Variants in ZNF468 observed in about 807,000 individuals in gnomAD.
The protein encoded by ZNF468 is zinc finger protein 468, also known as zinc finger protein ZNF468.
ZNF468 carries 8 observed loss-of-function variants against 7.2 expected under a neutral mutation model. The ratio of observed to expected loss-of-function variants is 1.11; its 90% confidence interval spans 0.65 to 2.01. The LOEUF (loss-of-function observed/expected upper bound fraction) is 2.01, where lower values mean the gene tolerates loss of function less well. Among genes scored for constraint, ZNF468 ranks in the 30% most tolerant of loss-of-function variants. The pLI is 0.00. For synonymous variants in ZNF468, 218 were observed against 214.4 expected (o/e 1.02, Z -0.15); for missense variants, 608 against 626.5 (o/e 0.97, Z 0.31).
Position 52,854,351 on chromosome 19 carries a change from T to A in ZNF468, c.-73-6A>T. On this transcript the variant is annotated splice_polypyrimidine_tract_variant and splice_region_variant and intron_variant, in intron 1 of 3. Coordinates refer to ENST00000595646, the MANE Select transcript of ZNF468 (RefSeq NM_001008801.2). ...ACAGTCTTTAGAAGTCAATCCTGAATGTTAAAAATATGTTGTTTATCACTC... is the reference window on the plus strand; with the variant it reads ...ACAGTCTTTAGAAGTCAATCCTGAAAGTTAAAAATATGTTGTTTATCACTC... 3.1e-6 allele frequency: 5 copies of A among 1,606,946 alleles called. No homozygotes were observed. Among genetic ancestry groups the A allele is most frequent in the Non-Finnish European group, 3.4e-6 (4 of 1,174,508 alleles).
intron 2 of ZNF468, chr19:52,853,981 C>CTT (rs2063413607): frequency 6.8e-7 from 1 of 1,468,106 alleles, no homozygotes; most frequent in Non-Finnish European, 9.0e-7. Context: ...ATCCCTGCTG[C>CTT]CCAAGAGCAC....
chr19:52,857,311 A>G (rs186762096), intron 1 of ZNF468, among the ~76,000 whole-genome samples: 86 of 152,320 alleles, frequency 5.6e-4, no homozygotes, highest in Non-Finnish European at 1.1e-3. Flanking sequence ...GGAGTCAAAA[A>G]ACGGTTTTGA....
chr19:52,842,835 A>AAG (rs1346514074), intron 3 of ZNF468, among the ~76,000 whole-genome samples: 2 of 149,932 alleles, frequency 1.3e-5, no homozygotes, highest in African/African-American at 4.9e-5. Flanking sequence ...AAAAAAAAAA[A>AAG]AAAAAAGACA....
chr19:52,856,121 T>C (rs544835881), intron 1 of ZNF468, among the ~76,000 whole-genome samples: 4 of 152,364 alleles, frequency 2.6e-5, no homozygotes, highest in Admixed American at 2.0e-4. Context: ...AAAATCACAC[T>C]AACATTTATA....
rs1294394231 is a variant in ZNF468, at chr19:52,841,994, C to A, written c.300G>T (p.Gln100His). ...IEKDIHGFEF[Q>H]WKEDETNGHA... ...GGCCATTTGTTTCATCTTCTTTCCA[C>A]TGAAACTCGAAGCCATGAATGTCTT... is the stretch of plus-strand genomic sequence containing the variant. Residue 100 changes from glutamine to histidine, a missense_variant, in exon 4 of 4, where the codon CAG becomes CAT. Transcript: ENST00000595646. 24 of 1,613,824 alleles carry A rather than the reference C, an allele frequency of 1.5e-5. No individual in the cohort carries two copies. The highest frequency in any genetic ancestry group is 1.9e-5 in the Non-Finnish European group (23 of 1,179,918).
chr19:52,840,392 G>C lies in ZNF468; in HGVS notation c.*333C>G. On this transcript the variant is annotated 3_prime_UTR_variant, in exon 4 of 4. Transcript: ENST00000595646. ...TTGCCACACTCATTACACTTATAATGAGTTTCTCTCCAGTGTGAATTCTAG... is the reference window on the plus strand; with the variant it reads ...TTGCCACACTCATTACACTTATAATCAGTTTCTCTCCAGTGTGAATTCTAG... The C allele has an allele frequency of 1.9e-6, 1 of 516,592 alleles. No homozygotes were observed. Among genetic ancestry groups the C allele is most frequent in the Non-Finnish European group, 3.6e-6 (1 of 277,728 alleles). The allele number at this position is 516,592 out of a possible 1,614,324, so 32.0% of individuals were successfully genotyped here.
At chr19:52,856,134 A>G (rs2063436267) in intron 1 of ZNF468, among the ~76,000 whole-genome samples, 1 of 152,272 alleles carries the variant, frequency 6.6e-6, no homozygotes, top group African/African-American at 2.4e-5. Context: ...CATTTATAAA[A>G]TGCAGCAGTG....
chr19:52,846,949 C>T (rs2063345763), intron 3 of ZNF468, among the ~76,000 whole-genome samples: 1 of 151,884 alleles, frequency 6.6e-6, no homozygotes, highest in Non-Finnish European at 1.5e-5. Flanking sequence ...TGCAGTTAGC[C>T]AAGATCATAT....
intron 3 of ZNF468, among the ~76,000 whole-genome samples, chr19:52,844,847 CT>C (rs2063330447): frequency 6.6e-6 from 1 of 152,026 alleles, no homozygotes; most frequent in Admixed American, 6.6e-5. Context: ...CCAGTCTAAG[CT>C]ATTTCTAGCA....
At chr19:52,845,252 G>A (rs62117473) in intron 3 of ZNF468, 33,364 of 151,768 alleles carry the variant, frequency 0.22, 4,107 homozygotes, top group South Asian at 0.36. Flanking sequence ...TGCAGTGAGC[G>A]GAGATGACAC....
Position 52,840,405 on chromosome 19 carries a change from G to T in ZNF468, c.*320C>A. On this transcript the variant is annotated 3_prime_UTR_variant, in exon 4 of 4. Transcript: ENST00000595646. ...TACACTTATAATGAGTTTCTCTCCA[G>T]TGTGAATTCTAGTATGTTTTGCCAG... The T allele has an allele frequency of 1.9e-6, 1 of 522,044 alleles. No homozygotes were observed. Among genetic ancestry groups the T allele is most frequent in the Non-Finnish European group, 3.6e-6 (1 of 279,702 alleles). The allele number at this position is 522,044 out of a possible 1,614,324, so 32.3% of individuals were successfully genotyped here.
At chr19:52,846,228 T>A (rs2063341092) in intron 3 of ZNF468, among the ~76,000 whole-genome samples, 1 of 152,092 alleles carries the variant, frequency 6.6e-6, no homozygotes, top group Admixed American at 6.6e-5. Flanking sequence ...GGATTTTTAT[T>A]TTTTTCTGTC....
Position 52,839,579 on chromosome 19 carries a change from T to G in ZNF468, c.*1146A>C. 1.9e-6 allele frequency: 1 copy of G among 536,780 alleles called. No individual in the cohort carries two copies. The allele number at this position is 536,780 out of a possible 1,614,324, so 33.3% of individuals were successfully genotyped here. On this transcript the variant is annotated 3_prime_UTR_variant, in exon 4 of 4. Transcript: ENST00000595646. ...GAATTGTCTGATGGTCTGCAAGGAG[T>G]GACCTTGGACTGAAGACCCTTCCAC...
chr19:52,851,951 T>C (rs949985559), intron 2 of ZNF468, among the ~76,000 whole-genome samples: 2 of 152,154 alleles, frequency 1.3e-5, no homozygotes, highest in Admixed American at 1.3e-4. Context: ...TGTATGTATA[T>C]ATTTATTTAT....
Position 52,838,572 on chromosome 19 carries a change from C to T in ZNF468, c.*2153G>A, listed in dbSNP as rs963715475. 1 of 152,140 alleles carries T rather than the reference C, an allele frequency of 6.6e-6. No individual in the cohort carries two copies. The highest frequency in any genetic ancestry group is 1.5e-5 in the Non-Finnish European group (1 of 68,018). 9.4% of individuals were successfully genotyped at this position (152,140 alleles called of 1,614,324 possible). On this transcript the variant is annotated 3_prime_UTR_variant, in exon 4 of 4. Transcript: ENST00000595646. ...TCAAATTTTATTTGTTTGTAGATGA[C>T]ATGACCTTCTGTAAAGAAAATCACA...
rs998911364 is a variant in ZNF468, at chr19:52,849,181, T to C, written c.48A>G (p.Glu16=). ...GGCATTTCCACTCCTCCTGAGAGAA[T>C]TCTATGGCCACGTCCCTGAATGTCA... ...GLLTFRDVAI[E]FSQEEWKCLD... Residue 16 remains glutamate (E), a synonymous_variant, in exon 3 of 4, where the codon GAA becomes GAG. Coordinates refer to ENST00000595646, the MANE Select transcript of ZNF468 (RefSeq NM_001008801.2). The C allele has an allele frequency of 3.7e-6, 6 of 1,613,826 alleles. No homozygotes were observed. The African/African-American group carries it at 4.0e-5, about 11-fold the overall frequency.
At chr19:52,857,204 C>G (rs1343364254) in intron 1 of ZNF468, among the ~76,000 whole-genome samples, 2 of 151,916 alleles carry the variant, frequency 1.3e-5, no homozygotes, top group South Asian at 2.1e-4. Context: ...CTGGGGTCGC[C>G]GCGCTGTGCT....
At chr19:52,847,456 G>A (rs2063350046) in intron 3 of ZNF468, among the ~76,000 whole-genome samples, 1 of 148,186 alleles carries the variant, frequency 6.7e-6, no homozygotes, top group African/African-American at 2.5e-5. Context: ...ACATCCCCCC[G>A]CCTGACACCT....
At chr19:52,852,593 T>C (rs1302235789) in intron 2 of ZNF468, among the ~76,000 whole-genome samples, 3 of 151,770 alleles carry the variant, frequency 2.0e-5, no homozygotes, top group Non-Finnish European at 4.4e-5. Context: ...AGAGAAATGC[T>C]TGAACCCAAG....
Sources: gnomAD v4.1 joint callset for allele counts (sites outside exome capture counted in the v4.1 genomes callset) on GRCh38, gnomAD v4.1.1 for gene constraint, MANE v1.5 for transcripts, NCBI Gene and HGNC (gene_info 2026-07-23, HGNC 2026-07-21) for gene names.